DCC: variants seen among roughly 807,000 people sequenced by gnomAD.
The protein encoded by DCC is netrin receptor DCC.
A neutral mutation model predicts 172.5 loss-of-function variants in DCC; 58 were observed. The observed-to-expected ratio is 0.34, with a 90% CI of 0.27 to 0.42. The LOEUF (loss-of-function observed/expected upper bound fraction) is 0.42, where lower values mean the gene tolerates loss of function less well. Among genes scored for constraint, DCC ranks in the 10% least tolerant of loss-of-function variants. The pLI is 1.00. For missense variants in DCC, 1,740 were observed against 1,791.0 expected, an observed-to-expected ratio of 0.97 and a Z score of 0.51; for synonymous variants, 709 against 644.5, an observed-to-expected ratio of 1.10 and a Z score of -1.52.
At chr18:52,410,654 T>C (rs1361046623) in intron 1 of DCC, among the ~76,000 whole-genome samples, 2 of 152,116 alleles carry the variant, frequency 1.3e-5, no homozygotes, top group Non-Finnish European at 2.9e-5. Context: ...GCTAGTTCCT[T>C]CCAGTTTGAA....
At chr18:52,954,315 A>AT (rs2040706564) in intron 5 of DCC, among the ~76,000 whole-genome samples, 1 of 152,042 alleles carries the variant, frequency 6.6e-6, no homozygotes, top group East Asian at 1.9e-4. Context: ...TTTTTTCAGT[A>AT]TTTTTTGGAG....
chr18:52,804,558 TTTG>T (rs1210310075), intron 2 of DCC, among the ~76,000 whole-genome samples: 1 of 152,094 alleles, frequency 6.6e-6, no homozygotes, highest in Non-Finnish European at 1.5e-5. Context: ...CTACAGGTTT[TTTG>T]TTGTTGTTAG....
At chr18:53,006,725 A>G (rs965604024) in intron 5 of DCC, among the ~76,000 whole-genome samples, 42 of 152,220 alleles carry the variant, frequency 2.8e-4, no homozygotes, top group African/African-American at 9.9e-4. Context: ...ATGTCAAACT[A>G]TCATGTAAGC....
At chr18:53,208,133 G>A (rs2055685015) in intron 11 of DCC, among the ~76,000 whole-genome samples, 1 of 148,918 alleles carries the variant, frequency 6.7e-6, no homozygotes, top group South Asian at 2.1e-4. Flanking sequence ...TAATTAACTG[G>A]ATATGGTGGC....
At chr18:53,376,019 T>C (rs1032810802) in intron 15 of DCC, among the ~76,000 whole-genome samples, 1 of 152,158 alleles carries the variant, frequency 6.6e-6, no homozygotes, top group African/African-American at 2.4e-5. Flanking sequence ...GACCTCAGCC[T>C]TGCCATTTCT....
intron 19 of DCC, among the ~76,000 whole-genome samples, chr18:53,407,357 T>G (rs1290750562): frequency 6.6e-6 from 1 of 151,534 alleles, no homozygotes; most frequent in Non-Finnish European, 1.5e-5. Context: ...ATTAGATTTT[T>G]GGGGGGAATA....
chr18:52,754,784 A>G (rs908111736), intron 2 of DCC, among the ~76,000 whole-genome samples: 44 of 152,308 alleles, frequency 2.9e-4, no homozygotes, highest in African/African-American at 1.0e-3. Flanking sequence ...TGAAAGTCCC[A>G]TATCCTGGGA....
At chr18:52,659,406 C>T (rs991764976) in intron 1 of DCC, among the ~76,000 whole-genome samples, 2 of 152,144 alleles carry the variant, frequency 1.3e-5, no homozygotes, top group African/African-American at 4.8e-5. Flanking sequence ...GGCCTTCCAT[C>T]CAGGGACTTT....
intron 5 of DCC, among the ~76,000 whole-genome samples, chr18:52,995,736 T>A (rs2041467370): frequency 6.6e-6 from 1 of 151,802 alleles, no homozygotes; most frequent in South Asian, 2.1e-4. Flanking sequence ...CCAGCTAACA[T>A]CTGAACATAA....
chr18:52,950,911 C>A (rs2040632745), intron 5 of DCC, among the ~76,000 whole-genome samples: 1 of 112,990 alleles, frequency 8.9e-6, no homozygotes, highest in African/African-American at 3.4e-5. Context: ...GCCTGGGCGA[C>A]AGAGTGAGAC....
intron 5 of DCC, among the ~76,000 whole-genome samples, chr18:52,978,036 G>T (rs1405768912): frequency 6.6e-6 from 1 of 151,846 alleles, no homozygotes; most frequent in Non-Finnish European, 1.5e-5. Flanking sequence ...TTTACATGTA[G>T]CATGAAGTGA....
chr18:53,448,047 G>GTT (rs35238619), intron 22 of DCC, among the ~76,000 whole-genome samples: 1,702 of 113,572 alleles, frequency 0.015, 29 homozygotes, highest in African/African-American at 0.03. Flanking sequence ...ATTTTGATGA[G>GTT]TTTTTTTTTT....
chr18:53,124,827 G>A (rs2043531963), intron 7 of DCC, among the ~76,000 whole-genome samples: 1 of 151,968 alleles, frequency 6.6e-6, no homozygotes, highest in Admixed American at 6.6e-5. Flanking sequence ...TTAGCCAGGT[G>A]TGTGTGGTGG....
At position 52,705,087 on chromosome 18, in the gene DCC, C is replaced by A. The variant is rs575526374; in HGVS notation, c.92-46967C>A. 2.6e-5 allele frequency among the ~76,000 whole-genome samples: 4 copies of A among 152,240 alleles called. No individual in the cohort carries two copies. The South Asian group carries it at 8.3e-4, about 32-fold the overall frequency. ...GATTCCCTTAAGGAAGTATGTTATG[C>A]AAAGCATGACTATAAAGTAACAAAT... On this transcript the variant is annotated intron_variant, in intron 1 of 28. Coordinates refer to ENST00000442544, the MANE Select transcript of DCC (RefSeq NM_005215.4).
At chr18:53,039,648 C>A (rs998226641) in intron 5 of DCC, among the ~76,000 whole-genome samples, 7 of 152,008 alleles carry the variant, frequency 4.6e-5, no homozygotes, top group Admixed American at 2.6e-4. Context: ...CTCTCCCTAG[C>A]ATGACCCTTA....
chr18:52,732,750 T>C (rs1289034245), intron 1 of DCC, among the ~76,000 whole-genome samples: 2 of 152,210 alleles, frequency 1.3e-5, no homozygotes, highest in African/African-American at 2.4e-5. Flanking sequence ...ATCCTCAGGC[T>C]CAGTTTTCTC....
chr18:53,232,856 A>T (rs1476332261), intron 12 of DCC, among the ~76,000 whole-genome samples: 2 of 152,048 alleles, frequency 1.3e-5, no homozygotes. Context: ...CCCTGTGTTC[A>T]TCTGAATCTC....
chr18:53,258,152 C>CA (rs1034880452), intron 12 of DCC, among the ~76,000 whole-genome samples: 1 of 151,954 alleles, frequency 6.6e-6, no homozygotes, highest in African/African-American at 2.4e-5. Flanking sequence ...TAGATCTTTT[C>CA]AAAAAACCAG....
At chr18:53,376,360 G>A (rs1199421124) in intron 15 of DCC, among the ~76,000 whole-genome samples, 14 of 152,096 alleles carry the variant, frequency 9.2e-5, no homozygotes, top group East Asian at 3.9e-4. Flanking sequence ...CTCTAGCCCC[G>A]GCGAGTGAGC....
Sources: allele counts gnomAD v4.1 joint callset (sites outside exome capture counted in the v4.1 genomes callset), GRCh38; gene constraint gnomAD v4.1.1; transcripts MANE v1.5; gene names NCBI Gene and HGNC (gene_info 2026-07-23, HGNC 2026-07-21).